Variants in ANKRD11 observed in about 807,000 individuals in gnomAD.
ANKRD11 encodes the protein ankyrin repeat domain-containing protein 11.
In ANKRD11, 17 loss-of-function variants were observed where a neutral mutation model predicts 195.7. The observed-to-expected ratio is 0.09, with a 90% CI of 0.06 to 0.13. The LOEUF (loss-of-function observed/expected upper bound fraction) is 0.13. Among genes scored for constraint, ANKRD11 ranks in the 10% least tolerant of loss-of-function variants. The pLI, the probability that ANKRD11 is intolerant of heterozygous loss-of-function variation, is 1.00. For synonymous variants in ANKRD11, 1,953 were observed against 1,528.1 expected, an observed-to-expected ratio of 1.28 and a Z score of -6.49; for missense variants, 3,735 against 3,566.1, an observed-to-expected ratio of 1.05 and a Z score of -1.21.
intron 7 of ANKRD11, chr16:89,286,872 C>T: frequency 7.8e-7 from 1 of 1,288,542 alleles, no homozygotes; most frequent in Non-Finnish European, 1.0e-6. Flanking sequence ...TTAATCCCAA[C>T]TTTAGTCCAG....
At chr16:89,487,033 A>G (rs1597568668) in intron 1 of ANKRD11, among the ~76,000 whole-genome samples, 1 of 152,140 alleles carries the variant, frequency 6.6e-6, no homozygotes, top group African/African-American at 2.4e-5. Context: ...GAAAAAAACA[A>G]TTTCAAATTA....
chr16:89,271,167 T>G (rs968965501), intron 11 of ANKRD11: 2 of 522,388 alleles, frequency 3.8e-6, no homozygotes, highest in Non-Finnish European at 7.0e-6. Context: ...AGGCCCCACC[T>G]GTGAGCCGGT....
chr16:89,374,134 C>T (rs1255453363), intron 2 of ANKRD11, among the ~76,000 whole-genome samples: 2 of 152,166 alleles, frequency 1.3e-5, no homozygotes, highest in South Asian at 2.1e-4. Context: ...CTTCACCCTC[C>T]CCTCTCCCCA....
At chr16:89,300,915 C>T (rs770775386) in intron 4 of ANKRD11, 11 of 700,408 alleles carry the variant, frequency 1.6e-5, no homozygotes, top group East Asian at 2.7e-5. Context: ...GCGCTCCTGA[C>T]GAGGGCTCCC....
intron 2 of ANKRD11, among the ~76,000 whole-genome samples, chr16:89,337,373 C>G (rs1644227080): frequency 6.9e-6 from 1 of 145,222 alleles, no homozygotes; most frequent in South Asian, 2.2e-4. Context: ...CAGACACTCA[C>G]AGTTTTTGTC....
At position 89,288,678 on chromosome 16, in the gene ANKRD11, C is replaced by CA. The variant is rs2034820668; in HGVS notation, c.602-9dup. ...CGTGCAGCGCCGTCCAGCCTGGAAA[C>CA]AGACACTCAGGACGTACGTTATTTA... On this transcript the variant is annotated splice_polypyrimidine_tract_variant and intron_variant, in intron 6 of 12. Transcript: ENST00000301030. 1 of 1,613,916 alleles carries CA rather than the reference C, an allele frequency of 6.2e-7. No individual in the cohort carries two copies. Among genetic ancestry groups the CA allele is most frequent in the South Asian group, 1.1e-5 (1 of 91,090 alleles).
intron 1 of ANKRD11, among the ~76,000 whole-genome samples, chr16:89,472,390 G>GA (rs1049400021): frequency 2.0e-4 from 30 of 151,632 alleles, no homozygotes; most frequent in African/African-American, 6.5e-4. Context: ...GGGGAAGGGA[G>GA]AAAAAAAACC....
At chr16:89,416,150 T>A (rs193252834) in intron 2 of ANKRD11, among the ~76,000 whole-genome samples, 3 of 152,306 alleles carry the variant, frequency 2.0e-5, no homozygotes, top group East Asian at 3.9e-4. Context: ...AATGCCAACA[T>A]TTCCTATGTC....
chr16:89,464,958 A>G (rs142370416), intron 1 of ANKRD11, among the ~76,000 whole-genome samples: 7 of 152,368 alleles, frequency 4.6e-5, no homozygotes, highest in East Asian at 1.9e-4. Flanking sequence ...AATCTGGCCC[A>G]ATGTCTTTTT....
chr16:89,325,829 G>A (rs1443080339), intron 2 of ANKRD11, among the ~76,000 whole-genome samples: 1 of 152,226 alleles, frequency 6.6e-6, no homozygotes, highest in East Asian at 1.9e-4. Context: ...TGCAGGACCT[G>A]TTCTTCTCAG....
chr16:89,437,841 G>A (rs1450817878), intron 1 of ANKRD11, among the ~76,000 whole-genome samples: 1 of 152,142 alleles, frequency 6.6e-6, no homozygotes, highest in Non-Finnish European at 1.5e-5. Flanking sequence ...TCGACGCTAT[G>A]CCCAGTTCAA....
intron 1 of ANKRD11, among the ~76,000 whole-genome samples, chr16:89,477,861 T>TGCAGGAGAACTGCTTGAAC (rs549856945): frequency 1.6e-3 from 249 of 151,932 alleles, no homozygotes; most frequent in African/African-American, 5.8e-3. Flanking sequence ...ACTGCTTGAA[T>TGCAGGAGAACTGCTTGAAC]GCAGGAGAAC....
chr16:89,285,009 G>T lies in ANKRD11; in HGVS notation c.1533C>A (p.Asp511Glu). The T allele has an allele frequency of 6.2e-7, 1 of 1,614,034 alleles. No homozygotes were observed. The highest frequency in any genetic ancestry group is 8.5e-7 in the Non-Finnish European group (1 of 1,180,008). ...CLKGSPLVLK[D>E]PSLFSSLSAS... ...CAGAGAGGGAGCTGAACAGGGAGGG[G>T]TCCTTCAGCACCAGCGGGGACCCCT... Residue 511 changes from aspartate (D) to glutamate (E), a missense_variant, in exon 9 of 13, where the codon GAC becomes GAA. Coordinates refer to ENST00000301030, the MANE Select transcript of ANKRD11 (RefSeq NM_013275.6). This position sits in a 1 kb window ranked among gnomAD's most constrained non-coding sequence, Gnocchi z 5.6.
At chr16:89,435,421 A>C (rs2043172595) in intron 1 of ANKRD11, among the ~76,000 whole-genome samples, 1 of 152,124 alleles carries the variant, frequency 6.6e-6, no homozygotes, top group African/African-American at 2.4e-5. Context: ...TTCACTCTTC[A>C]CAATAAATCT....
intron 2 of ANKRD11, among the ~76,000 whole-genome samples, chr16:89,381,131 C>A (rs1260349952): frequency 6.6e-6 from 1 of 151,854 alleles, no homozygotes; most frequent in Non-Finnish European, 1.5e-5. Context: ...GAGACCAGCC[C>A]GGCCAACATG....
rs74752979 is a variant in ANKRD11, at chr16:89,355,604, C to T, written c.-59-38526G>A. ...GTATCACAACCAACTCAAAAATAGACTGAAATGTCACAGTATCGCCAGGAT... is the reference window on the plus strand; with the variant it reads ...GTATCACAACCAACTCAAAAATAGATTGAAATGTCACAGTATCGCCAGGAT... On this transcript the variant is annotated intron_variant, in intron 2 of 12. Coordinates refer to ENST00000301030, the MANE Select transcript of ANKRD11 (RefSeq NM_013275.6). 7.4e-3 allele frequency among the ~76,000 whole-genome samples: 1,133 copies of T among 152,210 alleles called. 14 individuals are homozygous for T. The highest frequency in any genetic ancestry group is 0.025 in the African/African-American group (1,058 of 41,526).
At chr16:89,475,509 T>C (rs1488705709) in intron 1 of ANKRD11, among the ~76,000 whole-genome samples, 1 of 152,162 alleles carries the variant, frequency 6.6e-6, no homozygotes, top group Admixed American at 6.5e-5. Flanking sequence ...AGGAAAAGAA[T>C]TTTGATAAAG....
chr16:89,378,592 A>G lies in ANKRD11; in HGVS notation c.-60+39692T>C, dbSNP rs962937324. Among the ~76,000 whole-genome samples, 87 of 152,300 alleles carry G rather than the reference A, an allele frequency of 5.7e-4. 1 individual carries two copies. The highest frequency in any genetic ancestry group is 1.7e-3 in the African/African-American group (70 of 41,566). On this transcript the variant is annotated intron_variant, in intron 2 of 12. Transcript: ENST00000301030. Reference sequence around the variant, plus strand: ...GGAAATAGTCTGGCTGAGAACACACAACTGGCCAGCATGACTAGCAAGTGC... The same window carrying G: ...GGAAATAGTCTGGCTGAGAACACACGACTGGCCAGCATGACTAGCAAGTGC...
At chr16:89,274,601 C>T (rs959259378) in intron 11 of ANKRD11, 12 of 683,198 alleles carry the variant, frequency 1.8e-5, no homozygotes, top group East Asian at 5.5e-5. Context: ...GGGCCTTGCC[C>T]GTGCGGGGAG....
Sources: allele counts gnomAD v4.1 joint callset (sites outside exome capture counted in the v4.1 genomes callset), GRCh38; gene constraint gnomAD v4.1.1; non-coding constraint Gnocchi (gnomAD v3.1); transcripts MANE v1.5; gene names NCBI Gene and HGNC (gene_info 2026-07-23, HGNC 2026-07-21).